Variants in XDH observed in about 807,000 individuals in gnomAD.
The protein encoded by XDH is xanthine dehydrogenase.
In XDH, 138 loss-of-function variants were observed where a neutral mutation model predicts 156.1. That is an observed-to-expected ratio of 0.88 (90% CI 0.77 to 1.02). XDH has a LOEUF of 1.02. XDH is among the 50% of genes least tolerant of loss of function. The probability of loss-of-function intolerance (pLI) is 0.00; values close to 1 mark genes in which losing one functional copy is unlikely to be tolerated. For synonymous variants in XDH, 669 were observed against 625.7 expected, an observed-to-expected ratio of 1.07 and a Z score of -1.03; for missense variants, 1,849 against 1,684.9, an observed-to-expected ratio of 1.10 and a Z score of -1.71.
In XDH at chr2:31,350,108, C is replaced by T. The variant is rs1009900673; in HGVS notation, c.2747G>A (p.Gly916Glu). The change falls in exon 25 of 36, where the codon GGG becomes GAG. Residue 916 changes from glycine to glutamate, a missense_variant. Coordinates refer to ENST00000379416, the MANE Select transcript of XDH (RefSeq NM_000379.4). ...LPSNTAFRGF[G>E]GPQGMLIAEC... ...GGCAATGAGCATCCCCTGGGGCCCC[C>T]CAAAGCCCCGGAAGGCCGTGTTGGA... 1 of 1,614,240 alleles carries T rather than the reference C, an allele frequency of 6.2e-7. No individual in the cohort carries two copies. The highest frequency in any genetic ancestry group is 2.2e-5 in the East Asian group (1 of 44,884).
At chr2:31,370,607 T>C in intron 17 of XDH, 129 bp from the exon 18 acceptor site, 2 of 1,250,402 alleles carry the variant, frequency 1.6e-6, no homozygotes, top group South Asian at 2.6e-5. Flanking sequence ...CTCTGCTTCT[T>C]TTCTATTAGA....
At chr2:31,349,120 C>G in intron 26 of XDH, 140 bp from the exon 27 acceptor site, 1 of 794,524 alleles carries the variant, frequency 1.3e-6, no homozygotes, top group Non-Finnish European at 2.1e-6. Context: ...CAGCCCACAC[C>G]AGGGGGTCTT....
At chr2:31,337,294 T>A (rs1394428280) in intron 35 of XDH, among the ~76,000 whole-genome samples, 1 of 151,122 alleles carries the variant, frequency 6.6e-6, no homozygotes, top group African/African-American at 2.4e-5. Flanking sequence ...AAAAAAAAAA[T>A]GCTAGCGACT....
At position 31,368,050 on chromosome 2, in the gene XDH, A is replaced by T. The variant is rs142848703; in HGVS notation, c.2108T>A (p.Ile703Lys). Residue 703 changes from isoleucine to lysine, a missense_variant, in exon 20 of 36, where the codon ATA becomes AAA. Transcript: ENST00000379416. ...AGGTCCATAAAAGGAGTTGTTCTTT[A>T]TAGCATCCTGAGGATCACAAAGAAG... ...LPAIITIEDA[I>K]KNNSFYGPEL... The T allele has an allele frequency of 2.0e-5, 33 of 1,613,992 alleles. No homozygotes were observed. The African/African-American group carries it at 3.9e-4, about 19-fold the overall frequency.
chr2:31,370,616 G>T (rs1321537299), intron 17 of XDH, 138 bp from the exon 18 acceptor site: 2 of 1,193,404 alleles, frequency 1.7e-6, no homozygotes, highest in Non-Finnish European at 2.4e-6. Flanking sequence ...TTTTCTATTA[G>T]ATTCTAATTC....
chr2:31,373,283 A>C (rs1231485201), intron 16 of XDH, among the ~76,000 whole-genome samples: 5 of 152,218 alleles, frequency 3.3e-5, no homozygotes, highest in Non-Finnish European at 5.9e-5. Context: ...ACTACACTCT[A>C]GTGTGCAGGG....
rs1685362871 is a variant in XDH at position 31,348,423 on chromosome 2, G to T, written c.3052-60C>A. 2.0e-6 allele frequency: 3 copies of T among 1,530,790 alleles called. No individual in the cohort carries two copies. In the East Asian group the frequency reaches 6.8e-5, roughly 35 times the overall value. The allele number at this position is 1,530,790 out of a possible 1,614,324, so 94.8% of individuals were successfully genotyped here. On this transcript the variant is annotated intron_variant, in intron 27 of 35. Transcript: ENST00000379416. ...AGTAAAATCCAACTCATTAAGGTTT[G>T]GGACCAAAGGTATGGAGCCCAGGAA...
intron 13 of XDH, among the ~76,000 whole-genome samples, chr2:31,378,125 AGGAAGG>A (rs1686315940): frequency 1.7e-5 from 1 of 57,848 alleles, no homozygotes; most frequent in African/African-American, 6.3e-5. Flanking sequence ...GAAGGAAGGA[AGGAAGG>A]AAGGAAGGAA....
Position 31,349,717 on chromosome 2 carries a change from C to G in XDH, c.2938G>C (p.Ala980Pro), listed in dbSNP as rs746692542. The G allele has an allele frequency of 6.2e-7, 1 of 1,614,216 alleles. No homozygotes were observed. The change falls in exon 26 of 36, where the codon GCT becomes CCT. Residue 980 changes from alanine (A) to proline (P), a missense_variant. Transcript: ENST00000379416. ...AACTTGTCAACCTCACTCTTCCGAG[C>G]ATGATACTGAGAGCTTGCTAGGCAT... Reference protein sequence around the residue: ...EECLASSQYHARKSEVDKFNK... With the variant: ...EECLASSQYHPRKSEVDKFNK...
chr2:31,343,285 C>CATAT lies in XDH; in HGVS notation c.3405-992_3405-989dup, dbSNP rs60481824. 3.0e-3 allele frequency among the ~76,000 whole-genome samples: 204 copies of CATAT among 68,244 alleles called. 1 individual carries two copies. Among genetic ancestry groups the CATAT allele is most frequent in the African/African-American group, 5.4e-3 (67 of 12,354 alleles). The allele number at this position is 68,244 out of a possible 152,430, so 44.8% of individuals were successfully genotyped here. ...AAGCATTGGCAAAACATTTCTTCAC[C>CATAT]ATATATATATATATATATATATATA... On this transcript the variant is annotated intron_variant, in intron 31 of 35. Coordinates refer to ENST00000379416, the MANE Select transcript of XDH (RefSeq NM_000379.4).
intron 2 of XDH, among the ~76,000 whole-genome samples, chr2:31,403,899 A>G (rs1687128164): frequency 6.6e-6 from 1 of 152,180 alleles, no homozygotes; most frequent in Non-Finnish European, 1.5e-5. Context: ...TAAGCCACCC[A>G]CTACCTACTG....
intron 19 of XDH, 152 bp downstream of exon 19, chr2:31,368,389 T>G (rs926206680): frequency 9.6e-6 from 10 of 1,038,622 alleles, no homozygotes; most frequent in Non-Finnish European, 1.3e-5. Context: ...GAAGGTTTCA[T>G]GGGACCCCAA....
chr2:31,359,397 C>T (rs539454212), intron 24 of XDH, among the ~76,000 whole-genome samples: 94 of 151,596 alleles, frequency 6.2e-4, no homozygotes, highest in African/African-American at 2.3e-3. Flanking sequence ...AAGGCATTTA[C>T]TCTTGGCCCT....
At chr2:31,366,466 T>C (rs938537604) in intron 21 of XDH, among the ~76,000 whole-genome samples, 3 of 152,202 alleles carry the variant, frequency 2.0e-5, no homozygotes, top group Non-Finnish European at 2.9e-5. Context: ...TGAGCTGCTG[T>C]AGATAATTTA....
At chr2:31,348,116 G>C in intron 28 of XDH, 152 bp downstream of exon 28, 1 of 803,258 alleles carries the variant, frequency 1.2e-6, no homozygotes, top group East Asian at 2.7e-5. Flanking sequence ...AGTTCAAGTG[G>C]GGGAAAAGAC....
In XDH at chr2:31,346,806, T is replaced by G. The variant is rs1268053268; in HGVS notation, c.3314A>C (p.Tyr1105Ser). Residue 1105 changes from tyrosine to serine, a missense_variant, in exon 30 of 36, where the codon TAC (tyrosine) becomes TCC (serine). Tyr to Ser is a moderately radical substitution (Grantham distance 144). Coordinates refer to ENST00000379416, the MANE Select transcript of XDH (RefSeq NM_000379.4). ...CQTILKRLEP[Y>S]KKKNPSGSWE... ...GGAGCCACTGGGATTCTTCTTCTTG[T>G]AGGGTTCCAGCCTTTTCAAGATGGT... 1.9e-6 allele frequency: 3 copies of G among 1,614,000 alleles called. No individual in the cohort carries two copies. In the African/African-American group the frequency reaches 4.0e-5, roughly 22 times the overall value.
In XDH at chr2:31,340,890, T is replaced by C. The variant is rs1685107166; in HGVS notation, c.3585+439A>G. 2.6e-5 allele frequency among the ~76,000 whole-genome samples: 4 copies of C among 152,118 alleles called. No individual in the cohort carries two copies. The South Asian group carries it at 8.3e-4, about 31-fold the overall frequency. ...GCTCCCAGGGCCTTCCACCACTCCA[T>C]GTTTGGCAGCATCTGCTTCCTGGGG... On this transcript the variant is annotated intron_variant, in intron 33 of 35. Transcript: ENST00000379416.
chr2:31,394,189 C>G (rs1454854003), intron 6 of XDH, among the ~76,000 whole-genome samples: 1 of 152,094 alleles, frequency 6.6e-6, no homozygotes, highest in Non-Finnish European at 1.5e-5. Flanking sequence ...TAAAGAACTT[C>G]TTTTAATATT....
chr2:31,356,145 A>G, intron 24 of XDH, among the ~76,000 whole-genome samples: 1 of 152,196 alleles, frequency 6.6e-6, no homozygotes, highest in East Asian at 1.9e-4. Context: ...TAGAACTAAA[A>G]GGAGAAATAG....
Sources: allele counts gnomAD v4.1 joint callset (sites outside exome capture counted in the v4.1 genomes callset), GRCh38; gene constraint gnomAD v4.1.1; transcripts MANE v1.5; gene names NCBI Gene and HGNC (gene_info 2026-07-23, HGNC 2026-07-21).